The following ZNF207 variants were observed in gnomAD, a reference collection of about 807,000 sequenced individuals.
ZNF207 encodes BUB3-interacting and GLEBS motif-containing protein ZNF207.
Under a neutral mutation model 60.2 loss-of-function variants are expected in ZNF207, and 24 were observed. The observed-to-expected ratio is 0.40, with a 90% CI of 0.29 to 0.56. The LOEUF is 0.56. Among genes scored for constraint, ZNF207 ranks in the 20% least tolerant of loss-of-function variants. The pLI is 0.49. For missense variants in ZNF207, 452 were observed against 636.6 expected, an observed-to-expected ratio of 0.71 and a Z score of 3.12; for synonymous variants, 236 against 194.7, an observed-to-expected ratio of 1.21 and a Z score of -1.77.
intron 6 of ZNF207, among the ~76,000 whole-genome samples, chr17:32,362,156 G>A (rs1005388821): frequency 6.8e-4 from 93 of 136,898 alleles, no homozygotes; most frequent in Admixed American, 1.1e-3. Context: ...GTGTGTGTGT[G>A]TATATGTATG....
At chr17:32,360,331 C>A (rs1019710800) in intron 3 of ZNF207, among the ~76,000 whole-genome samples, 6 of 151,916 alleles carry the variant, frequency 3.9e-5, no homozygotes, top group Non-Finnish European at 8.8e-5. Flanking sequence ...GCCTGCATCG[C>A]AGAGCAAGAC....
intron 3 of ZNF207, among the ~76,000 whole-genome samples, chr17:32,359,699 T>G (rs1904744861): frequency 6.6e-6 from 1 of 151,936 alleles, no homozygotes; most frequent in African/African-American, 2.4e-5. Flanking sequence ...GCCCAGAAAT[T>G]GGGAGACCAA....
rs1220312017 is a variant in ZNF207, at chr17:32,371,950, G to A, written c.*2191G>A. On this transcript the variant is annotated 3_prime_UTR_variant, in exon 12 of 12. Transcript: ENST00000394670. ...AATTAATACATGCTGCTTTGATTTG[G>A]CAGCACACTTAATATACTGCTGAAG... The A allele has an allele frequency of 1.3e-5, 2 of 152,114 alleles. No individual in the cohort carries two copies. Among genetic ancestry groups the A allele is most frequent in the Non-Finnish European group, 2.9e-5 (2 of 68,026 alleles). The allele number at this position is 152,114 out of a possible 1,614,324, so 9.4% of individuals were successfully genotyped here.
Position 32,370,435 on chromosome 17 carries a change from A to G in ZNF207, c.*676A>G, listed in dbSNP as rs371225771. 3 of 152,676 alleles carry G rather than the reference A, an allele frequency of 2.0e-5. No homozygotes were observed. Among genetic ancestry groups the G allele is most frequent in the African/African-American group, 7.2e-5 (3 of 41,574 alleles). The allele number at this position is 152,676 out of a possible 1,614,324, so 9.5% of individuals were successfully genotyped here. A position where few individuals can be genotyped will look rare whatever the true frequency, so the allele number is the denominator to read the frequency against. On this transcript the variant is annotated 3_prime_UTR_variant, in exon 12 of 12. Transcript: ENST00000394670. ...AGTAGATGTCCACATAATAAAATTC[A>G]TAGTTACCAATGCAGTTTTGATATA...
intron 2 of ZNF207, among the ~76,000 whole-genome samples, chr17:32,353,517 C>G (rs193139075): frequency 4.6e-5 from 7 of 152,118 alleles, no homozygotes; most frequent in African/African-American, 1.7e-4. Flanking sequence ...TGTGGTGGCT[C>G]ACGCCTGTAA....
At chr17:32,366,872 G>C (rs1905186100) in intron 9 of ZNF207, 115 bp downstream of exon 9, 1 of 921,562 alleles carries the variant, frequency 1.1e-6, no homozygotes, top group Non-Finnish European at 1.5e-6. Flanking sequence ...CTTTTTTAAA[G>C]CAAAATTAAT....
rs776708485 is a variant in ZNF207 at position 32,367,758 on chromosome 17, A to G, written c.922-14A>G. 1.9e-6 allele frequency: 3 copies of G among 1,613,200 alleles called. No individual in the cohort carries two copies. Among genetic ancestry groups the G allele is most frequent in the Non-Finnish European group, 2.5e-6 (3 of 1,179,586 alleles). On this transcript the variant is annotated splice_polypyrimidine_tract_variant and intron_variant, in intron 9 of 11. Coordinates refer to ENST00000394670, the MANE Select transcript of ZNF207 (RefSeq NM_001098507.2). ...GGTTTTGAAGTTTCGTTGATGAAGTATTGTATTTTACAGGCTCAGGCAGCT... is the reference window on the plus strand; with the variant it reads ...GGTTTTGAAGTTTCGTTGATGAAGTGTTGTATTTTACAGGCTCAGGCAGCT...
rs1000613224 is a variant in ZNF207 at position 32,360,986 on chromosome 17, T to C, written c.551+19T>C. On this transcript the variant is annotated intron_variant, in intron 5 of 11. Transcript: ENST00000394670. Reference sequence around the variant, plus strand: ...CACCTGGGTAAGAAAATTCTTTTAATTGCCCTGTAGGCTTGTGCCTAGTAA... The same window carrying C: ...CACCTGGGTAAGAAAATTCTTTTAACTGCCCTGTAGGCTTGTGCCTAGTAA... The C allele has an allele frequency of 6.2e-7, 1 of 1,610,574 alleles. No individual in the cohort carries two copies. Among genetic ancestry groups the C allele is most frequent in the Non-Finnish European group, 8.5e-7 (1 of 1,178,552 alleles).
intron 2 of ZNF207, among the ~76,000 whole-genome samples, chr17:32,356,087 C>T (rs1241250017): frequency 6.6e-6 from 1 of 152,154 alleles, no homozygotes; most frequent in African/African-American, 2.4e-5. Context: ...TGAGATAGAC[C>T]TGGCAGTTAA....
intron 2 of ZNF207, among the ~76,000 whole-genome samples, chr17:32,353,720 C>T (rs1904328186): frequency 6.8e-6 from 1 of 146,422 alleles, no homozygotes; most frequent in Admixed American, 7.1e-5. Flanking sequence ...GGTGCTGAGA[C>T]AGGAGAATCA....
In ZNF207 at chr17:32,372,301, A is replaced by G. The variant is rs1393100001; in HGVS notation, c.*2542A>G. ...GACGACAGATTGAGACTCCGTCTCA[A>G]AAAAAAAAAATGCTGTGATTAAATT... is the stretch of plus-strand genomic sequence containing the variant. On this transcript the variant is annotated 3_prime_UTR_variant, in exon 12 of 12. Transcript: ENST00000394670. 3 of 150,170 alleles carry G rather than the reference A, an allele frequency of 2.0e-5. No homozygotes were observed. Among genetic ancestry groups the G allele is most frequent in the Admixed American group, 6.6e-5 (1 of 15,072 alleles). The allele number at this position is 150,170 out of a possible 1,614,324, so 9.3% of individuals were successfully genotyped here.
At position 32,350,214 on chromosome 17, in the gene ZNF207, A is replaced by C. The variant is rs202040527; in HGVS notation, c.-72A>C. The C allele has an allele frequency of 8.3e-4, 1,342 of 1,607,408 alleles. 2 individuals are homozygous for C. The highest frequency in any genetic ancestry group is 1.6e-3 in the Admixed American group (96 of 59,928). ...GTGGTGGTAGCCGTTGGGTTGGGAA[A>C]GTGAGGGATTTTTGGCCTCGTTTCT... On this transcript the variant is annotated 5_prime_UTR_variant, in exon 1 of 12. Coordinates refer to ENST00000394670, the MANE Select transcript of ZNF207 (RefSeq NM_001098507.2).
chr17:32,368,126 A>G, intron 10 of ZNF207, 112 bp downstream of exon 10: 2 of 1,445,772 alleles, frequency 1.4e-6, no homozygotes, highest in Non-Finnish European at 9.3e-7. Context: ...ATCTGGTTTA[A>G]TGCTCACTAA....
chr17:32,353,001 C>T (rs544665415), intron 2 of ZNF207, among the ~76,000 whole-genome samples: 23 of 152,296 alleles, frequency 1.5e-4, no homozygotes, highest in Non-Finnish European at 3.1e-4. Flanking sequence ...TGGTGAAACC[C>T]CATCTCTACT....
At chr17:32,353,870 G>C (rs1446781113) in intron 2 of ZNF207, among the ~76,000 whole-genome samples, 3 of 150,952 alleles carry the variant, frequency 2.0e-5, no homozygotes, top group African/African-American at 7.3e-5. Context: ...TAGACTCACA[G>C]CTGTTCACTG....
rs1487952240 is a variant in ZNF207, at chr17:32,369,748, G to T, written c.1474G>T (p.Gly492Cys). ...GMRPPVMSQG[G>C]RY is the part of the protein sequence containing the mutation. Reference sequence around the variant, plus strand: ...GAGACCTCCTGTAATGTCGCAAGGTGGCCGTTACTGATCTTACTTCATCCA... The same window carrying T: ...GAGACCTCCTGTAATGTCGCAAGGTTGCCGTTACTGATCTTACTTCATCCA... The change falls in exon 12 of 12, where the codon GGC (glycine) becomes TGC (cysteine). Residue 492 changes from glycine to cysteine, a missense_variant. By Grantham distance (159) the Gly-to-Cys change is radical. Coordinates refer to ENST00000394670, the MANE Select transcript of ZNF207 (RefSeq NM_001098507.2). The T allele has an allele frequency of 6.5e-7, 1 of 1,536,530 alleles. No individual in the cohort carries two copies. The highest frequency in any genetic ancestry group is 8.7e-7 in the Non-Finnish European group (1 of 1,143,882).
intron 2 of ZNF207, among the ~76,000 whole-genome samples, chr17:32,352,282 A>G (rs1474269356): frequency 6.6e-6 from 1 of 151,708 alleles, no homozygotes; most frequent in Non-Finnish European, 1.5e-5. Context: ...AAGAATAATC[A>G]TTTATTTCTC....
In ZNF207 at chr17:32,351,486, A is replaced by C. The variant is rs1421645005; in HGVS notation, c.42-300A>C. 4 of 1,467,966 alleles carry C rather than the reference A, an allele frequency of 2.7e-6. No individual in the cohort carries two copies. In the Admixed American group the frequency reaches 7.1e-5, roughly 26 times the overall value. 90.9% of individuals were successfully genotyped at this position (1,467,966 alleles called of 1,614,324 possible). ...TCAGTGTGCATTTGTAAATGTTGAA[A>C]TATTTATAACAAAAGTTTCACCGAC... is the stretch of plus-strand genomic sequence containing the variant. On this transcript the variant is annotated intron_variant, in intron 1 of 11. Transcript: ENST00000394670.
chr17:32,357,342 A>ATTTTTTTTTTT (rs1364261997), intron 2 of ZNF207, among the ~76,000 whole-genome samples: 1 of 64,462 alleles, frequency 1.6e-5, no homozygotes, highest in African/African-American at 8.8e-5. Context: ...TATTATTATT[A>ATTTTTTTTTTT]TTATTATTAT....
Sources: allele counts gnomAD v4.1 joint callset (sites outside exome capture counted in the v4.1 genomes callset), GRCh38; gene constraint gnomAD v4.1.1; transcripts MANE v1.5; gene names NCBI Gene and HGNC (gene_info 2026-07-23, HGNC 2026-07-21).